Variants in TNFRSF10A observed in about 807,000 individuals in gnomAD.
TNFRSF10A encodes TNF receptor superfamily member 10a, also known as tumor necrosis factor receptor superfamily member 10A.
A neutral mutation model predicts 42.8 loss-of-function variants in TNFRSF10A; 44 were observed. The observed-to-expected ratio is 1.03, with a 90% CI of 0.81 to 1.32. The LOEUF (loss-of-function observed/expected upper bound fraction) is 1.32. Among genes scored for constraint, TNFRSF10A ranks in the 40% most tolerant of loss-of-function variants. The probability of loss-of-function intolerance (pLI) is 0.00; values close to 1 mark genes in which losing one functional copy is unlikely to be tolerated. For synonymous variants in TNFRSF10A, 259 were observed against 234.2 expected (o/e 1.11, Z -0.97); for missense variants, 680 against 602.0 (o/e 1.13, Z -1.36).
intron 1 of TNFRSF10A, among the ~76,000 whole-genome samples, chr8:23,218,410 A>T (rs547453112): frequency 6.6e-6 from 1 of 152,276 alleles, no homozygotes. Flanking sequence ...TATTGATCTT[A>T]AAATGAGCAA....
At chr8:23,215,247 T>C (rs941815237) in intron 1 of TNFRSF10A, among the ~76,000 whole-genome samples, 2 of 152,226 alleles carry the variant, frequency 1.3e-5, no homozygotes, top group African/African-American at 2.4e-5. Flanking sequence ...CCGGGCGCCG[T>C]GGCTCACGCC....
intron 9 of TNFRSF10A, among the ~76,000 whole-genome samples, chr8:23,193,198 GT>G (rs1309977313): frequency 1.3e-5 from 2 of 152,170 alleles, no homozygotes; most frequent in Non-Finnish European, 2.9e-5. Context: ...AACCCCTGAG[GT>G]TTTGGTAACA....
At chr8:23,211,928 A>G (rs1801096569) in intron 2 of TNFRSF10A, among the ~76,000 whole-genome samples, 188 bp downstream of exon 2, 1 of 152,250 alleles carries the variant, frequency 6.6e-6, no homozygotes, top group Non-Finnish European at 1.5e-5. Flanking sequence ...ATAAAGCTTC[A>G]TAACCTTGGA....
At chr8:23,212,048 T>G in intron 2 of TNFRSF10A, 68 bp downstream of exon 2, 2 of 1,360,076 alleles carry the variant, frequency 1.5e-6, no homozygotes, top group Non-Finnish European at 2.1e-6. Flanking sequence ...TTTGAGATAA[T>G]TTTTGTATAT....
intron 1 of TNFRSF10A, among the ~76,000 whole-genome samples, chr8:23,223,206 C>T (rs1801281365): frequency 6.6e-6 from 1 of 152,188 alleles, no homozygotes; most frequent in Non-Finnish European, 1.5e-5. Flanking sequence ...GCTGGGACTA[C>T]AGGCGGCCAC....
chr8:23,209,310 A>G (rs535611095), intron 2 of TNFRSF10A, among the ~76,000 whole-genome samples: 12 of 152,244 alleles, frequency 7.9e-5, no homozygotes, highest in Non-Finnish European at 1.5e-4. Flanking sequence ...TGGAAGGGAA[A>G]TGTGGCATCA....
chr8:23,214,748 G>A (rs1428087489), intron 1 of TNFRSF10A, among the ~76,000 whole-genome samples: 5 of 152,234 alleles, frequency 3.3e-5, no homozygotes, highest in East Asian at 1.9e-4. Context: ...ACATACACAC[G>A]CTTTTACTAA....
At position 23,206,461 on chromosome 8, in the gene TNFRSF10A, T is replaced by G. The variant is rs530390856; in HGVS notation, c.404-3700A>C. Among the ~76,000 whole-genome samples the G allele has an allele frequency of 1.9e-3, 297 of 152,374 alleles. 2 individuals carry two copies. Among genetic ancestry groups the G allele is most frequent in the African/African-American group, 6.8e-3 (283 of 41,590 alleles). On this transcript the variant is annotated intron_variant, in intron 2 of 9. Coordinates refer to ENST00000221132, the MANE Select transcript of TNFRSF10A (RefSeq NM_003844.4). ...CCATATTTTTATTGGGCCTTTTCTA[T>G]GTTCACATGTTTAGGAACTCAAATA...
Position 23,192,706 on chromosome 8 carries a change from G to A in TNFRSF10A, c.1088-693C>T, listed in dbSNP as rs142468266. 3.5e-3 allele frequency among the ~76,000 whole-genome samples: 535 copies of A among 152,350 alleles called. 2 individuals carry two copies. The highest frequency in any genetic ancestry group is 5.7e-3 in the Non-Finnish European group (386 of 68,034). ...AGAAAAAAGTGACATTCATTTTAAT[G>A]TGTGGTACTGAATATGTGTAAAATA... On this transcript the variant is annotated intron_variant, in intron 9 of 9. Transcript: ENST00000221132.
chr8:23,202,894 T>G, intron 2 of TNFRSF10A, 133 bp from the exon 3 acceptor site: 1 of 624,442 alleles, frequency 1.6e-6, no homozygotes, highest in Non-Finnish European at 2.9e-6. Context: ...TGGCTTGGTC[T>G]TGTCGTCAAT....
intron 4 of TNFRSF10A, 90 bp from the exon 5 acceptor site, chr8:23,200,850 C>T (rs1437511131): frequency 8.2e-7 from 1 of 1,225,988 alleles, no homozygotes; most frequent in African/African-American, 1.5e-5. Flanking sequence ...TGCCCAATGT[C>T]CCTGAGAAGG....
chr8:23,195,251 A>T (rs890889592), intron 9 of TNFRSF10A, among the ~76,000 whole-genome samples: 1 of 152,224 alleles, frequency 6.6e-6, no homozygotes, highest in Non-Finnish European at 1.5e-5. Flanking sequence ...AGTGGACTGA[A>T]CTAATAGAGG....
At chr8:23,201,967 C>T in intron 3 of TNFRSF10A, 48 bp from the exon 4 acceptor site, 1 of 1,563,580 alleles carries the variant, frequency 6.4e-7, no homozygotes, top group Non-Finnish European at 8.8e-7. Context: ...CTGACGTGTC[C>T]CTTGACCTTT....
intron 1 of TNFRSF10A, among the ~76,000 whole-genome samples, chr8:23,216,567 C>T (rs1025274941): frequency 2.0e-5 from 3 of 152,054 alleles, no homozygotes; most frequent in Middle Eastern, 3.4e-3. Flanking sequence ...CATGGTGAAA[C>T]CCTATCTGTA....
intron 9 of TNFRSF10A, among the ~76,000 whole-genome samples, chr8:23,193,349 C>T (rs1012892767): frequency 8.5e-5 from 13 of 152,172 alleles, no homozygotes; most frequent in Admixed American, 6.5e-5. Flanking sequence ...CCACTGCAGC[C>T]GGCCCCAACC....
chr8:23,201,996 C>T, intron 3 of TNFRSF10A, 77 bp from the exon 4 acceptor site: 1 of 1,318,070 alleles, frequency 7.6e-7, no homozygotes, highest in Non-Finnish European at 1.1e-6. Context: ...CCCCAACTCC[C>T]TCCCCCTCAG....
chr8:23,218,454 A>T (rs566035912), intron 1 of TNFRSF10A, among the ~76,000 whole-genome samples: 1 of 152,220 alleles, frequency 6.6e-6, no homozygotes, highest in East Asian at 1.9e-4. Flanking sequence ...TGTGGTCGAA[A>T]ATCTGCTTCC....
rs993372283 is a variant in TNFRSF10A at position 23,195,538 on chromosome 8, T to G, written c.1087+1594A>C. Among the ~76,000 whole-genome samples the G allele has an allele frequency of 2.0e-5, 3 of 152,366 alleles. No homozygotes were observed. In the South Asian group the frequency reaches 6.2e-4, roughly 32 times the overall value. On this transcript the variant is annotated intron_variant, in intron 9 of 9. Coordinates refer to ENST00000221132, the MANE Select transcript of TNFRSF10A (RefSeq NM_003844.4). ...CGTTTTCTTTTACAATGGAACACAG[T>G]TGGATAAAATGGTTATTTTCTCAGG...
intron 1 of TNFRSF10A, among the ~76,000 whole-genome samples, chr8:23,219,082 C>G (rs549576613): frequency 2.0e-5 from 3 of 152,118 alleles, no homozygotes; most frequent in Non-Finnish European, 4.4e-5. Context: ...GCCGGCACAG[C>G]CTCTCTGGAG....
Sources: gnomAD v4.1 joint callset for allele counts (sites outside exome capture counted in the v4.1 genomes callset) on GRCh38, gnomAD v4.1.1 for gene constraint, MANE v1.5 for transcripts, NCBI Gene and HGNC (gene_info 2026-07-23, HGNC 2026-07-21) for gene names.